Variants in THRB observed in about 807,000 individuals in gnomAD.
The protein encoded by THRB is thyroid hormone receptor beta.
THRB carries 12 observed loss-of-function variants against 47.8 expected under a neutral mutation model. The ratio of observed to expected loss-of-function variants is 0.25; its 90% confidence interval spans 0.16 to 0.41. The LOEUF is 0.41. Among genes scored for constraint, THRB ranks in the 10% least tolerant of loss-of-function variants. The probability of loss-of-function intolerance (pLI) is 1.00; values close to 1 mark genes in which losing one functional copy is unlikely to be tolerated. For synonymous variants in THRB, 218 were observed against 212.2 expected (o/e 1.03, Z -0.24); for missense variants, 348 against 589.2 (o/e 0.59, Z 4.24).
chr3:24,174,396 A>T (rs1027823271), intron 5 of THRB, among the ~76,000 whole-genome samples: 1 of 152,056 alleles, frequency 6.6e-6, no homozygotes, highest in Non-Finnish European at 1.5e-5. Flanking sequence ...TAATCATTTC[A>T]TTTTTAAGAG....
chr3:24,183,372 T>TC (rs954031594), intron 5 of THRB, among the ~76,000 whole-genome samples: 8 of 135,724 alleles, frequency 5.9e-5, no homozygotes, highest in African/African-American at 2.2e-4. Context: ...TCTTTTCTTT[T>TC]TTTTTTTTTT....
chr3:24,349,623 A>G (rs934564949), intron 1 of THRB, among the ~76,000 whole-genome samples: 1 of 152,136 alleles, frequency 6.6e-6, no homozygotes, highest in Non-Finnish European at 1.5e-5. Context: ...AAATGGTGGT[A>G]GGTTAACTGG....
intron 1 of THRB, among the ~76,000 whole-genome samples, chr3:24,338,633 C>T (rs2062425345): frequency 6.6e-6 from 1 of 152,184 alleles, no homozygotes. Context: ...TGTGGGTGTG[C>T]ATATGTATGT....
In THRB at chr3:24,218,545, G is replaced by GT. The variant is rs138653166; in HGVS notation, c.22+10392dup. ...AAAGTACAAACACTCATTTACATTT[G>GT]TTTTTTTTTTCCATTGTAGGATCGT... is the stretch of plus-strand genomic sequence containing the variant. On this transcript the variant is annotated intron_variant, in intron 4 of 10. Transcript: ENST00000646209. 7.3e-3 allele frequency among the ~76,000 whole-genome samples: 1,075 copies of GT among 148,050 alleles called. 9 individuals carry two copies. The highest frequency in any genetic ancestry group is 0.045 in the South Asian group (207 of 4,636).
intron 1 of THRB, among the ~76,000 whole-genome samples, chr3:24,464,244 A>C (rs79327222): frequency 2.2e-5 from 3 of 137,716 alleles, no homozygotes; most frequent in Non-Finnish European, 3.1e-5. Flanking sequence ...ACTCCGTCTC[A>C]AAAAAAAAAA....
At chr3:24,390,118 A>G (rs1196026056) in intron 1 of THRB, among the ~76,000 whole-genome samples, 2 of 152,076 alleles carry the variant, frequency 1.3e-5, no homozygotes, top group African/African-American at 2.4e-5. Context: ...CCCATAAGCC[A>G]TCTCCCACTG....
chr3:24,279,069 T>C (rs1416841943), intron 3 of THRB, among the ~76,000 whole-genome samples: 1 of 152,118 alleles, frequency 6.6e-6, no homozygotes, highest in Non-Finnish European at 1.5e-5. Context: ...GGTCTTGAAC[T>C]CCCGGCTTCA....
chr3:24,328,641 T>C (rs2061732196), intron 2 of THRB, among the ~76,000 whole-genome samples: 1 of 152,224 alleles, frequency 6.6e-6, no homozygotes, highest in Non-Finnish European at 1.5e-5. Flanking sequence ...GTAATGTTTC[T>C]TGAATACATC....
intron 1 of THRB, among the ~76,000 whole-genome samples, chr3:24,362,343 A>G (rs1050624664): frequency 1.3e-5 from 2 of 151,834 alleles, no homozygotes. Flanking sequence ...TGAACCTTCT[A>G]TTTCTCCAAC....
intron 1 of THRB, among the ~76,000 whole-genome samples, chr3:24,490,557 A>T (rs2125960825): frequency 6.6e-6 from 1 of 152,340 alleles, no homozygotes; most frequent in Admixed American, 6.5e-5. Flanking sequence ...CCTCATCACA[A>T]CTTAGAGGTG....
At chr3:24,426,980 T>C (rs569247404) in intron 1 of THRB, among the ~76,000 whole-genome samples, 9 of 152,116 alleles carry the variant, frequency 5.9e-5, no homozygotes, top group Admixed American at 3.3e-4. Flanking sequence ...CTTTAAAATA[T>C]TAAGCTCATC....
intron 2 of THRB, among the ~76,000 whole-genome samples, chr3:24,310,680 A>C (rs747618347): frequency 6.6e-6 from 1 of 152,096 alleles, no homozygotes; most frequent in African/African-American, 2.4e-5. Context: ...GGGAAATTTC[A>C]TCTCTCAGTA....
chr3:24,385,124 A>C (rs1390024660), intron 1 of THRB, among the ~76,000 whole-genome samples: 1 of 152,160 alleles, frequency 6.6e-6, no homozygotes, highest in Non-Finnish European at 1.5e-5. Context: ...GGTCTAATAA[A>C]ATTTTATGAT....
intron 1 of THRB, among the ~76,000 whole-genome samples, chr3:24,338,947 A>G (rs1237895309): frequency 6.6e-6 from 1 of 152,208 alleles, no homozygotes; most frequent in Non-Finnish European, 1.5e-5. Context: ...TGACAGTCAG[A>G]AACTCTGATA....
rs142917464 is a variant in THRB, at chr3:24,243,999, G to A, written c.-42-14998C>T. Among the ~76,000 whole-genome samples, 669 of 152,138 alleles carry A rather than the reference G, an allele frequency of 4.4e-3. 4 individuals are homozygous for A. The highest frequency in any genetic ancestry group is 0.027 in the Middle Eastern group (8 of 294). On this transcript the variant is annotated intron_variant, in intron 3 of 10. Transcript: ENST00000646209. ...TATTAAATTCTAATTATGAGGAGTT[G>A]CCAGGCAATGTCTAGGTTAAAAAAA... is the stretch of plus-strand genomic sequence containing the variant.
chr3:24,285,744 T>A (rs997692693), intron 3 of THRB, among the ~76,000 whole-genome samples: 1 of 152,188 alleles, frequency 6.6e-6, no homozygotes, highest in Non-Finnish European at 1.5e-5. Context: ...AAACAATTGC[T>A]AAATTATACC....
At chr3:24,491,354 T>G (rs753242912) in intron 1 of THRB, among the ~76,000 whole-genome samples, 1 of 152,206 alleles carries the variant, frequency 6.6e-6, no homozygotes, top group African/African-American at 2.4e-5. Flanking sequence ...AATTATAATT[T>G]CCTTTTGCTC....
intron 1 of THRB, among the ~76,000 whole-genome samples, chr3:24,385,278 A>G (rs763666453): frequency 3.3e-5 from 5 of 152,148 alleles, no homozygotes; most frequent in Non-Finnish European, 7.4e-5. Context: ...TCAGCCTGCT[A>G]CTTGGGAGAA....
chr3:24,153,108 AAC>A (rs1452354729), intron 5 of THRB, among the ~76,000 whole-genome samples: 1 of 152,142 alleles, frequency 6.6e-6, no homozygotes, highest in Non-Finnish European at 1.5e-5. Flanking sequence ...AGTTCTAGAT[AAC>A]ACAATCTATT....
Sources: gnomAD v4.1 joint callset for allele counts (sites outside exome capture counted in the v4.1 genomes callset) on GRCh38, gnomAD v4.1.1 for gene constraint, MANE v1.5 for transcripts, NCBI Gene and HGNC (gene_info 2026-07-23, HGNC 2026-07-21) for gene names.